The following THEMIS variants were observed in gnomAD, a reference collection of about 807,000 sequenced individuals.
THEMIS encodes protein THEMIS.
In THEMIS, 37 loss-of-function variants were observed where a neutral mutation model predicts 52.6. That is an observed-to-expected ratio of 0.70 (90% CI 0.54 to 0.93). The LOEUF (loss-of-function observed/expected upper bound fraction) is 0.93, where lower values mean the gene tolerates loss of function less well. Among genes scored for constraint, THEMIS ranks in the 40% least tolerant of loss-of-function variants. The pLI is 0.00. For synonymous variants in THEMIS, 292 were observed against 272.7 expected, an observed-to-expected ratio of 1.07 and a Z score of -0.70; for missense variants, 808 against 763.1, an observed-to-expected ratio of 1.06 and a Z score of -0.69.
chr6:127,751,105 A>T (rs1583231967), intron 4 of THEMIS, among the ~76,000 whole-genome samples: 1 of 151,690 alleles, frequency 6.6e-6, no homozygotes, highest in Non-Finnish European at 1.5e-5. Context: ...ATAACTTTTA[A>T]CTCTTGTATA....
In THEMIS at chr6:127,844,368, A is replaced by C. The variant is rs9491877; in HGVS notation, c.250+10662T>G. Among the ~76,000 whole-genome samples the C allele has an allele frequency of 1.8e-3, 275 of 152,082 alleles. 4 individuals are homozygous for C. The highest frequency in any genetic ancestry group is 6.0e-3 in the African/African-American group (251 of 41,528). On this transcript the variant is annotated intron_variant, in intron 2 of 5. Coordinates refer to ENST00000368248, the MANE Select transcript of THEMIS (RefSeq NM_001010923.3). ...TGTGTGTTATGGACAGGATAGGGTA[A>C]AGGGTAGTAGAGGATGTTCCATCTC...
At chr6:127,913,123 A>G (rs1466966904) in intron 1 of THEMIS, among the ~76,000 whole-genome samples, 1 of 152,194 alleles carries the variant, frequency 6.6e-6, no homozygotes, top group African/African-American at 2.4e-5. Context: ...ATTAGGTCAC[A>G]GGACCATTAC....
intron 5 of THEMIS, among the ~76,000 whole-genome samples, chr6:127,710,376 T>C (rs1773935841): frequency 6.6e-6 from 1 of 151,998 alleles, no homozygotes; most frequent in Non-Finnish European, 1.5e-5. Flanking sequence ...AGTTGAGACC[T>C]GCCCAGCAAT....
At position 127,812,990 on chromosome 6, in the gene THEMIS, A is replaced by C. The variant is rs1427149701; in HGVS notation, c.1651T>G (p.Ser551Ala). ...YMMRRYESSA[S>A]HPPPRPPKHP... ...TTCGGAGGGCGAGGTGGGGGATGTGAGGCTGAGCTTTCATATCTCCGCATC... is the reference window on the plus strand; with the variant it reads ...TTCGGAGGGCGAGGTGGGGGATGTGCGGCTGAGCTTTCATATCTCCGCATC... Residue 551 changes from serine (S) to alanine (A), a missense_variant, in exon 4 of 6, where the codon TCA becomes GCA. Ser to Ala is a moderately conservative substitution (Grantham distance 99). Coordinates refer to ENST00000368248, the MANE Select transcript of THEMIS (RefSeq NM_001010923.3). The C allele has an allele frequency of 1.2e-6, 2 of 1,614,046 alleles. No individual in the cohort carries two copies. The highest frequency in any genetic ancestry group is 1.7e-6 in the Non-Finnish European group (2 of 1,180,012).
chr6:127,811,050 A>ACAACAACAAAAAAAAC (rs1449568567), intron 4 of THEMIS, among the ~76,000 whole-genome samples: 1 of 152,164 alleles, frequency 6.6e-6, no homozygotes, highest in Non-Finnish European at 1.5e-5. Context: ...AAACAAACAA[A>ACAACAACAAAAAAAAC]CAACAACAAA....
the THEMIS span, among the ~76,000 whole-genome samples, chr6:127,697,190 A>G: frequency 2.6e-5 from 4 of 152,172 alleles, no homozygotes; most frequent in African/African-American, 7.2e-5. Context: ...ATTCTTTATT[A>G]TAGTCAATGG....
chr6:127,861,361 C>T (rs903002154), intron 1 of THEMIS, among the ~76,000 whole-genome samples: 4 of 152,122 alleles, frequency 2.6e-5, no homozygotes, highest in Non-Finnish European at 4.4e-5. Context: ...TACAGGGACC[C>T]TAATGGATTA....
rs529339348 is a variant in THEMIS at position 127,720,315 on chromosome 6, C to T, written c.1759-492G>A. ...AGCATTATGCAAATTTGACAAAGCT[C>T]CTTTAGTCAATTTCAGAGTAATAAT... On this transcript the variant is annotated intron_variant, in intron 4 of 5. Coordinates refer to ENST00000368248, the MANE Select transcript of THEMIS (RefSeq NM_001010923.3). 7.2e-5 allele frequency among the ~76,000 whole-genome samples: 11 copies of T among 151,920 alleles called. No homozygotes were observed. In the South Asian group the frequency reaches 2.1e-3, roughly 29 times the overall value.
Position 127,711,616 on chromosome 6 carries a change from C to T in THEMIS, c.1895-1600G>A, listed in dbSNP as rs547941536. Among the ~76,000 whole-genome samples, 351 of 152,024 alleles carry T rather than the reference C, an allele frequency of 2.3e-3. 1 individual carries two copies. Among genetic ancestry groups the T allele is most frequent in the Middle Eastern group, 6.8e-3 (2 of 294 alleles). On this transcript the variant is annotated intron_variant, in intron 5 of 5. Coordinates refer to ENST00000368248, the MANE Select transcript of THEMIS (RefSeq NM_001010923.3). ...GCTGCCTTTAGCTTTTTAGATCTTT[C>T]TTATATGACAAACAGTAATAAAACC... is the stretch of plus-strand genomic sequence containing the variant.
At chr6:127,843,223 G>A (rs1336136831) in intron 2 of THEMIS, among the ~76,000 whole-genome samples, 3 of 151,364 alleles carry the variant, frequency 2.0e-5, no homozygotes, top group Non-Finnish European at 4.4e-5. Flanking sequence ...ACTGCATATA[G>A]TAGAAAAATT....
chr6:127,913,515 A>C (rs191149166), intron 1 of THEMIS, among the ~76,000 whole-genome samples: 1 of 152,180 alleles, frequency 6.6e-6, no homozygotes, highest in Non-Finnish European at 1.5e-5. Context: ...TGTTGTATTT[A>C]ATTGAATAAT....
At chr6:127,732,119 G>A (rs1774831548) in intron 4 of THEMIS, among the ~76,000 whole-genome samples, 1 of 151,226 alleles carries the variant, frequency 6.6e-6, no homozygotes, top group Admixed American at 6.6e-5. Context: ...CTATAGACAA[G>A]TATCTTCATA....
chr6:127,884,453 C>T (rs532532367), intron 1 of THEMIS, among the ~76,000 whole-genome samples: 1 of 152,214 alleles, frequency 6.6e-6, no homozygotes, highest in East Asian at 1.9e-4. Context: ...GGCACCCCCT[C>T]TTTTAGTTAC....
At chr6:127,790,945 C>A (rs1015407987) in intron 4 of THEMIS, among the ~76,000 whole-genome samples, 1 of 152,184 alleles carries the variant, frequency 6.6e-6, no homozygotes, top group Non-Finnish European at 1.5e-5. Flanking sequence ...CTTGGAGATG[C>A]CAGGAACCAC....
At chr6:127,867,101 A>C (rs1780005824) in intron 1 of THEMIS, among the ~76,000 whole-genome samples, 1 of 151,942 alleles carries the variant, frequency 6.6e-6, no homozygotes, top group African/African-American at 2.4e-5. Flanking sequence ...GAAAATCCTA[A>C]AGAATTCTTT....
At chr6:127,786,459 T>C (rs1215488836) in intron 4 of THEMIS, among the ~76,000 whole-genome samples, 2 of 152,202 alleles carry the variant, frequency 1.3e-5, no homozygotes, top group African/African-American at 4.8e-5. Flanking sequence ...AAAAGGTAGG[T>C]TTGTTTATAT....
intron 4 of THEMIS, among the ~76,000 whole-genome samples, chr6:127,723,649 C>T (rs1251799886): frequency 6.6e-6 from 1 of 151,990 alleles, no homozygotes; most frequent in African/African-American, 2.4e-5. Flanking sequence ...TCCACAATCT[C>T]ATCACTCTTC....
chr6:127,824,701 G>A (rs893723359), intron 3 of THEMIS, among the ~76,000 whole-genome samples: 1 of 152,188 alleles, frequency 6.6e-6, no homozygotes. Context: ...GTTTCACCGT[G>A]TTAGTCAGGA....
intron 4 of THEMIS, among the ~76,000 whole-genome samples, chr6:127,793,099 C>T (rs1008135794): frequency 2.6e-5 from 4 of 152,050 alleles, no homozygotes; most frequent in South Asian, 2.1e-4. Flanking sequence ...GATATTTGTT[C>T]GAAAACAAAT....
Sources: allele counts gnomAD v4.1 joint callset (sites outside exome capture counted in the v4.1 genomes callset), GRCh38; gene constraint gnomAD v4.1.1; transcripts MANE v1.5; gene names NCBI Gene and HGNC (gene_info 2026-07-23, HGNC 2026-07-21).